Variants in TBCK observed in about 807,000 individuals in gnomAD.
TBCK encodes the protein TBC domain-containing protein kinase-like protein.
In TBCK, 99 loss-of-function variants were observed where a neutral mutation model predicts 113.4. The observed-to-expected ratio is 0.87, with a 90% CI of 0.74 to 1.03. The LOEUF is 1.03. Ranked by LOEUF, TBCK falls within the 50% of genes least tolerant of loss-of-function variation. The probability of loss-of-function intolerance (pLI) is 0.00; values close to 1 mark genes in which losing one functional copy is unlikely to be tolerated. For missense variants in TBCK, 1,045 were observed against 1,061.3 expected (o/e 0.98, Z 0.21); for synonymous variants, 369 against 370.8 (o/e 1.00, Z 0.05).
chr4:106,264,265 G>A (rs912843598), intron 3 of TBCK, among the ~76,000 whole-genome samples: 1 of 151,908 alleles, frequency 6.6e-6, no homozygotes. Context: ...AAGTAGGGAA[G>A]ACAGATAATG....
At chr4:106,133,376 C>G (rs1401351655) in intron 23 of TBCK, among the ~76,000 whole-genome samples, 1 of 152,156 alleles carries the variant, frequency 6.6e-6, no homozygotes. Flanking sequence ...GCCTTCCCAG[C>G]AAATGGAACT....
At chr4:106,168,220 C>T (rs1750613089) in intron 23 of TBCK, among the ~76,000 whole-genome samples, 1 of 151,736 alleles carries the variant, frequency 6.6e-6, no homozygotes, top group Non-Finnish European at 1.5e-5. Flanking sequence ...AATTCTTGCA[C>T]CAACAAGCTA....
At chr4:106,104,041 A>G (rs1433243881) in intron 24 of TBCK, among the ~76,000 whole-genome samples, 1 of 152,214 alleles carries the variant, frequency 6.6e-6, no homozygotes, top group Non-Finnish European at 1.5e-5. Context: ...TTCAGTCTTC[A>G]GTCTGACGGA....
chr4:106,243,654 CAAT>C (rs199973649), intron 11 of TBCK, among the ~76,000 whole-genome samples: 2,245 of 152,114 alleles, frequency 0.015, 61 homozygotes, highest in South Asian at 0.035. Flanking sequence ...CAGTTGCCTA[CAAT>C]AATCAAAACT....
Position 106,244,612 on chromosome 4 carries a change from G to T in TBCK, c.1070+14C>A. Reference sequence around the variant, plus strand: ...TTATTTATTTAAATTCCCAAGAGAAGTTTCTTTCCTTACTTGGGGAGTGTG... The same window carrying T: ...TTATTTATTTAAATTCCCAAGAGAATTTTCTTTCCTTACTTGGGGAGTGTG... On this transcript the variant is annotated intron_variant, in intron 11 of 25. Transcript: ENST00000394708. The T allele has an allele frequency of 1.3e-6, 2 of 1,540,988 alleles. No homozygotes were observed. The highest frequency in any genetic ancestry group is 1.3e-5 in the South Asian group (1 of 79,280).
chr4:106,222,693 G>C (rs1265440171), intron 19 of TBCK, among the ~76,000 whole-genome samples: 3 of 152,100 alleles, frequency 2.0e-5, no homozygotes, highest in Non-Finnish European at 4.4e-5. Context: ...TGTCAACTAA[G>C]AATGTGCCCA....
chr4:106,069,377 C>T (rs1198974272), intron 25 of TBCK, among the ~76,000 whole-genome samples: 1 of 152,154 alleles, frequency 6.6e-6, no homozygotes, highest in African/African-American at 2.4e-5. Flanking sequence ...AGCCAGTTTT[C>T]CCAGCATCAT....
Position 106,046,425 on chromosome 4 carries a change from A to G in TBCK, c.*145T>C, listed in dbSNP as rs1734220880. The G allele has an allele frequency of 7.3e-6, 4 of 549,138 alleles. No homozygotes were observed. Among genetic ancestry groups the G allele is most frequent in the Non-Finnish European group, 1.3e-5 (4 of 307,694 alleles). The allele number at this position is 549,138 out of a possible 1,614,324, so 34.0% of individuals were successfully genotyped here. A position where few individuals can be genotyped will look rare whatever the true frequency, so the allele number is the denominator to read the frequency against. On this transcript the variant is annotated 3_prime_UTR_variant, in exon 26 of 26. Coordinates refer to ENST00000394708, the MANE Select transcript of TBCK (RefSeq NM_001163435.3). ...TGGATAACTGAACATGTGGGTTATGAGATTTTAAAAAATGTCTCGTGACAA... is the reference window on the plus strand; with the variant it reads ...TGGATAACTGAACATGTGGGTTATGGGATTTTAAAAAATGTCTCGTGACAA...
At chr4:106,224,727 G>T (rs1758053839) in intron 19 of TBCK, among the ~76,000 whole-genome samples, 1 of 152,090 alleles carries the variant, frequency 6.6e-6, no homozygotes, top group Non-Finnish European at 1.5e-5. Flanking sequence ...CTACCCGACA[G>T]ATCAGATTTG....
intron 23 of TBCK, among the ~76,000 whole-genome samples, chr4:106,166,840 A>C (rs1185194279): frequency 6.6e-6 from 1 of 151,620 alleles, no homozygotes; most frequent in African/African-American, 2.4e-5. Context: ...AATACAAAAT[A>C]AGCATTTGAT....
intron 3 of TBCK, 65 bp from the exon 4 acceptor site, chr4:106,262,277 GA>G: frequency 1.2e-6 from 1 of 851,250 alleles, no homozygotes; most frequent in Non-Finnish European, 1.9e-6. Flanking sequence ...TTTAACAAGT[GA>G]AATGTGACCT....
At chr4:106,061,854 TGA>T (rs1736096586) in intron 25 of TBCK, among the ~76,000 whole-genome samples, 1 of 151,802 alleles carries the variant, frequency 6.6e-6, no homozygotes, top group African/African-American at 2.4e-5. Flanking sequence ...AAATGGAATG[TGA>T]GATACGGCTT....
chr4:106,227,175 T>C (rs1758332601), intron 19 of TBCK, among the ~76,000 whole-genome samples: 1 of 152,062 alleles, frequency 6.6e-6, no homozygotes, highest in Non-Finnish European at 1.5e-5. Context: ...CAAAAGCCAA[T>C]GGATTTTGCG....
intron 25 of TBCK, among the ~76,000 whole-genome samples, chr4:106,089,451 C>T (rs1739930583): frequency 6.6e-6 from 1 of 152,126 alleles, no homozygotes; most frequent in African/African-American, 2.4e-5. Context: ...CCTCTGATCC[C>T]CTAAGTCTTA....
chr4:106,129,231 T>G (rs749810622), intron 23 of TBCK, among the ~76,000 whole-genome samples: 2 of 152,172 alleles, frequency 1.3e-5, no homozygotes, highest in African/African-American at 4.8e-5. Flanking sequence ...GCTGCACCTA[T>G]TGACCCATCA....
intron 23 of TBCK, among the ~76,000 whole-genome samples, chr4:106,133,883 G>GC (rs1284980326): frequency 6.6e-6 from 1 of 152,106 alleles, no homozygotes; most frequent in African/African-American, 2.4e-5. Flanking sequence ...GGTGGTGGGT[G>GC]CCTGTAATAC....
At chr4:106,066,906 T>C (rs1478842801) in intron 25 of TBCK, among the ~76,000 whole-genome samples, 1 of 151,158 alleles carries the variant, frequency 6.6e-6, no homozygotes, top group Non-Finnish European at 1.5e-5. Flanking sequence ...CTTTTGTTTA[T>C]TAATTTATCT....
rs542236816 is a variant in TBCK, at chr4:106,092,457, T to C, written c.2571+3025A>G. On this transcript the variant is annotated intron_variant, in intron 25 of 25. Transcript: ENST00000394708. ...GGTGCTGTGAAGCAGGGGGCAGCAC[T>C]CGTTGGGGAGTCTTGGGCCGGGCAG... Among the ~76,000 whole-genome samples the C allele has an allele frequency of 4.1e-4, 62 of 152,246 alleles. 1 individual carries two copies. Among genetic ancestry groups the C allele is most frequent in the South Asian group, 1.5e-3 (7 of 4,824 alleles).
In TBCK at chr4:106,041,930, T is replaced by C. The variant is rs1219464934; in HGVS notation, c.*4640A>G. 6.6e-6 allele frequency: 1 copy of C among 152,224 alleles called. No individual in the cohort carries two copies. Among genetic ancestry groups the C allele is most frequent in the Non-Finnish European group, 1.5e-5 (1 of 68,040 alleles). The allele number at this position is 152,224 out of a possible 1,614,324, so 9.4% of individuals were successfully genotyped here. Reference sequence around the variant, plus strand: ...ATATGGCTAACTTTTAAAATAGGTATTTACAATGTGTACTGTTTCTAATAT... The same window carrying C: ...ATATGGCTAACTTTTAAAATAGGTACTTACAATGTGTACTGTTTCTAATAT... On this transcript the variant is annotated 3_prime_UTR_variant, in exon 26 of 26. Transcript: ENST00000394708.
Sources: gnomAD v4.1 joint callset for allele counts (sites outside exome capture counted in the v4.1 genomes callset) on GRCh38, gnomAD v4.1.1 for gene constraint, MANE v1.5 for transcripts, NCBI Gene and HGNC (gene_info 2026-07-23, HGNC 2026-07-21) for gene names.